CACNA1E: variants seen among roughly 807,000 people sequenced by gnomAD.
The protein encoded by CACNA1E is calcium voltage-gated channel subunit alpha1 E.
CACNA1E carries 40 observed loss-of-function variants against 259.2 expected under a neutral mutation model. That is an observed-to-expected ratio of 0.15 (90% CI 0.12 to 0.20). The LOEUF (loss-of-function observed/expected upper bound fraction) is 0.20. CACNA1E is among the 10% of genes least tolerant of loss of function. The pLI is 1.00. For missense variants in CACNA1E, 1,874 were observed against 3,040.1 expected (o/e 0.62, Z 9.02); for synonymous variants, 1,104 against 1,138.5 (o/e 0.97, Z 0.61).
At chr1:181,567,073 G>T (rs549017827) in intron 3 of CACNA1E, among the ~76,000 whole-genome samples, 5 of 152,148 alleles carry the variant, frequency 3.3e-5, no homozygotes, top group Non-Finnish European at 7.4e-5. Context: ...GGTTTTGATT[G>T]TTGAGCTTTC....
chr1:181,578,198 T>C (rs951955824), intron 4 of CACNA1E, among the ~76,000 whole-genome samples: 3 of 152,222 alleles, frequency 2.0e-5, no homozygotes, highest in African/African-American at 7.2e-5. Flanking sequence ...TTTAATATAA[T>C]TGAAATCGTT....
chr1:181,480,144 G>A (rs937074448), upstream of CACNA1E, among the ~76,000 whole-genome samples: 2 of 152,076 alleles, frequency 1.3e-5, no homozygotes, highest in African/African-American at 4.8e-5. Flanking sequence ...AACTGTAGCT[G>A]CCTTGGGGGC....
At chr1:181,641,717 T>TG (rs34747971) in intron 6 of CACNA1E, among the ~76,000 whole-genome samples, 8 of 18,456 alleles carry the variant, frequency 4.3e-4, no homozygotes, top group Non-Finnish European at 2.1e-3. Flanking sequence ...TTTTTTTTTT[T>TG]TTTTTTTTTT....
chr1:181,719,221 A>T (rs1282378695), intron 12 of CACNA1E, among the ~76,000 whole-genome samples: 1 of 152,244 alleles, frequency 6.6e-6, no homozygotes. Context: ...AATAAAAGAA[A>T]TAGAAATGTT....
At chr1:181,697,895 G>A (rs1651869462) in intron 7 of CACNA1E, among the ~76,000 whole-genome samples, 1 of 152,164 alleles carries the variant, frequency 6.6e-6, no homozygotes, top group South Asian at 2.1e-4. Flanking sequence ...AATACATAAG[G>A]GTGGACTTTG....
intron 6 of CACNA1E, among the ~76,000 whole-genome samples, chr1:181,617,343 C>G (rs989857970): frequency 3.3e-5 from 5 of 151,046 alleles, no homozygotes; most frequent in African/African-American, 1.2e-4. Context: ...GTATTTTGTA[C>G]CTGGAATAGT....
At chr1:181,524,309 A>T (rs1188576356) in intron 3 of CACNA1E, among the ~76,000 whole-genome samples, 3 of 152,304 alleles carry the variant, frequency 2.0e-5, no homozygotes, top group Non-Finnish European at 2.9e-5. Context: ...TTCCTTTTTT[A>T]AAAAAGAGCA....
intron 7 of CACNA1E, among the ~76,000 whole-genome samples, chr1:181,683,487 T>C (rs1441359815): frequency 6.6e-6 from 1 of 152,214 alleles, no homozygotes; most frequent in African/African-American, 2.4e-5. Flanking sequence ...GTTTGTTACA[T>C]AGGTAAATTG....
At chr1:181,344,160 A>G (rs977872963) in intron 1 of CACNA1E, among the ~76,000 whole-genome samples, 6 of 152,180 alleles carry the variant, frequency 3.9e-5, no homozygotes, top group African/African-American at 1.4e-4. Context: ...CTTCACTTCC[A>G]TCTTCTCTGT....
intron 45 of CACNA1E, among the ~76,000 whole-genome samples, chr1:181,794,051 C>G (rs1661569501): frequency 6.6e-6 from 1 of 152,130 alleles, no homozygotes; most frequent in African/African-American, 2.4e-5. Context: ...ATTCAACCAG[C>G]CATGCAAGAA....
At chr1:181,710,352 C>T (rs1653225095) in intron 7 of CACNA1E, among the ~76,000 whole-genome samples, 1 of 152,180 alleles carries the variant, frequency 6.6e-6, no homozygotes, top group Non-Finnish European at 1.5e-5. Flanking sequence ...TTTTATTGAG[C>T]ACTAGAGTAC....
At chr1:181,497,139 A>G (rs1376825571) in intron 1 of CACNA1E, among the ~76,000 whole-genome samples, 1 of 152,106 alleles carries the variant, frequency 6.6e-6, no homozygotes, top group Non-Finnish European at 1.5e-5. Context: ...CTGAAGTTCT[A>G]TGGATAAGGA....
intron 2 of CACNA1E, among the ~76,000 whole-genome samples, chr1:181,422,737 C>T (rs570064485): frequency 1.3e-4 from 20 of 152,244 alleles, no homozygotes; most frequent in African/African-American, 4.6e-4. Flanking sequence ...TGTTTTTCTC[C>T]TTGATGTCTG....
chr1:181,510,433 G>T (rs888727840), intron 1 of CACNA1E, 44 bp from the exon 2 acceptor site: 47 of 1,325,708 alleles, frequency 3.5e-5, no homozygotes, highest in Non-Finnish European at 5.0e-5. Flanking sequence ...CTTGGAGGCT[G>T]TGTCCCTCTC....
At chr1:181,601,772 T>C (rs967890627) in intron 6 of CACNA1E, among the ~76,000 whole-genome samples, 1 of 152,156 alleles carries the variant, frequency 6.6e-6, no homozygotes, top group African/African-American at 2.4e-5. Flanking sequence ...AATCAGACCA[T>C]GTCCCCGCTC....
chr1:181,652,302 A>G (rs765614815), intron 7 of CACNA1E, among the ~76,000 whole-genome samples: 12 of 152,186 alleles, frequency 7.9e-5, no homozygotes, highest in African/African-American at 1.2e-4. Flanking sequence ...TCTAAGCAAA[A>G]CTGAACTTAA....
At chr1:181,733,966 T>A (rs1323668617) in intron 21 of CACNA1E, among the ~76,000 whole-genome samples, 5 of 152,238 alleles carry the variant, frequency 3.3e-5, no homozygotes, top group Admixed American at 3.3e-4. Context: ...CCCAGGCTTG[T>A]TCCTGTGACC....
At chr1:181,480,498 TGTA>T (rs1663161451), upstream of CACNA1E, among the ~76,000 whole-genome samples, 1 of 152,216 alleles carries the variant, frequency 6.6e-6, no homozygotes, top group Non-Finnish European at 1.5e-5. Context: ...CATTTGCACA[TGTA>T]GTATCCCATC....
Position 181,716,074 on chromosome 1 carries a change from A to T in CACNA1E, c.1260A>T (p.Thr420=). 6.4e-7 allele frequency: 1 copy of T among 1,574,250 alleles called. No homozygotes were observed. Among genetic ancestry groups the T allele is most frequent in the Admixed American group, 1.8e-5 (1 of 54,384 alleles). The change falls in exon 10 of 48, where the codon ACA becomes ACT. Residue 420 remains threonine, a synonymous_variant. Coordinates refer to ENST00000367573, the MANE Select transcript of CACNA1E (RefSeq NM_001205293.3). ...GGGCAACCATCAAGAGGAGCCGGAC[A>T]GAGGCCATGACTCGAGACTCCAGTG... ...LRRATIKRSR[T]EAMTRDSSDE...
Sources: gnomAD v4.1 joint callset for allele counts (sites outside exome capture counted in the v4.1 genomes callset) on GRCh38, gnomAD v4.1.1 for gene constraint, MANE v1.5 for transcripts, NCBI Gene and HGNC (gene_info 2026-07-23, HGNC 2026-07-21) for gene names.